TAGLN3: variants seen among roughly 807,000 people sequenced by gnomAD.
The protein encoded by TAGLN3 is transgelin 3.
TAGLN3 carries 12 observed loss-of-function variants against 25.4 expected under a neutral mutation model. The observed-to-expected ratio is 0.47, with a 90% CI of 0.30 to 0.77. The LOEUF (loss-of-function observed/expected upper bound fraction) is 0.77. TAGLN3 is among the 30% of genes least tolerant of loss of function. The probability of loss-of-function intolerance (pLI) is 0.06; values close to 1 mark genes in which losing one functional copy is unlikely to be tolerated. For synonymous variants in TAGLN3, 96 were observed against 94.8 expected (o/e 1.01, Z -0.08); for missense variants, 218 against 255.8 (o/e 0.85, Z 1.01).
chr3:112,009,268 T>G (rs1323655722), intron 3 of TAGLN3, among the ~76,000 whole-genome samples: 3 of 152,196 alleles, frequency 2.0e-5, no homozygotes, highest in African/African-American at 7.2e-5. Flanking sequence ...AGTGAGGCCC[T>G]AACTGCTTTT....
At chr3:112,007,050 C>T (rs772361122) in intron 3 of TAGLN3, among the ~76,000 whole-genome samples, 1 of 152,192 alleles carries the variant, frequency 6.6e-6, no homozygotes, top group Non-Finnish European at 1.5e-5. Flanking sequence ...CCAGGTGAGA[C>T]AGAGAAAGCT....
At chr3:111,999,292 C>A in intron 1 of TAGLN3, 129 bp from the exon 2 acceptor site, 1 of 1,069,856 alleles carries the variant, frequency 9.3e-7, no homozygotes. Flanking sequence ...AAACCACGCC[C>A]GGCTTTCTGC....
At chr3:112,002,294 C>T (rs888756270) in intron 3 of TAGLN3, among the ~76,000 whole-genome samples, 2 of 152,202 alleles carry the variant, frequency 1.3e-5, no homozygotes, top group Non-Finnish European at 2.9e-5. Flanking sequence ...TCAGTCAGTT[C>T]TGCTAACAAT....
At chr3:112,011,105 C>T (rs2107725284) in intron 3 of TAGLN3, among the ~76,000 whole-genome samples, 1 of 152,334 alleles carries the variant, frequency 6.6e-6, no homozygotes, top group Non-Finnish European at 1.5e-5. Context: ...TTGCAGGCCA[C>T]CCCCTCAGTA....
chr3:111,999,447 G>A lies in TAGLN3; in HGVS notation c.25G>A (p.Gly9Ser). The change falls in exon 2 of 5, where the codon GGC becomes AGC. Residue 9 changes from glycine (G) to serine (S), a missense_variant. Gly to Ser is a moderately conservative substitution (Grantham distance 56). Coordinates refer to ENST00000478951, the MANE Select transcript of TAGLN3 (RefSeq NM_001008272.2). MANRGPSY[G>S]LSREVQEKIE... ...GATGGCTAACAGGGGCCCGAGCTAT[G>A]GCTTAAGCCGAGAGGTGCAGGAGAA... The A allele has an allele frequency of 6.2e-7, 1 of 1,614,178 alleles. No individual in the cohort carries two copies. The highest frequency in any genetic ancestry group is 8.5e-7 in the Non-Finnish European group (1 of 1,180,008).
chr3:112,000,933 G>A lies in TAGLN3; in HGVS notation c.342G>A (p.Val114=). Residue 114 remains valine, a synonymous_variant, in exon 3 of 5, where the codon GTG becomes GTA. Coordinates refer to ENST00000478951, the MANE Select transcript of TAGLN3 (RefSeq NM_001008272.2). The stretch of plus-strand genomic sequence containing the variant: ...GAACCACCGACATCTTTCAGACGGT[G>A]GATCTATGGGAAGGTAAACAGCCCC... ...GVRTTDIFQT[V]DLWEGKDMAA... 6.2e-6 allele frequency: 10 copies of A among 1,613,928 alleles called. No homozygotes were observed. The highest frequency in any genetic ancestry group is 8.5e-6 in the Non-Finnish European group (10 of 1,179,970).
intron 3 of TAGLN3, among the ~76,000 whole-genome samples, chr3:112,001,953 T>C (rs1205941064): frequency 1.3e-5 from 2 of 152,248 alleles, no homozygotes; most frequent in Non-Finnish European, 2.9e-5. Context: ...AAGAAACAAT[T>C]GCCTCCTTAA....
chr3:112,001,996 T>C (rs1269917709), intron 3 of TAGLN3, among the ~76,000 whole-genome samples: 1 of 152,242 alleles, frequency 6.6e-6, no homozygotes, highest in Admixed American at 6.5e-5. Context: ...TGGCATTGCA[T>C]GTTTCCCTCA....
Position 112,005,802 on chromosome 3 carries a change from G to C in TAGLN3, c.355+4856G>C, listed in dbSNP as rs542231512. ...GCAAGCTCCGCCTCCCAGGTTCACG[G>C]CATTCTCCTGCCTGAGCCTCCTGAG... On this transcript the variant is annotated intron_variant, in intron 3 of 4. Coordinates refer to ENST00000478951, the MANE Select transcript of TAGLN3 (RefSeq NM_001008272.2). Among the ~76,000 whole-genome samples, 5 of 149,824 alleles carry C rather than the reference G, an allele frequency of 3.3e-5. No homozygotes were observed. The South Asian group carries it at 8.5e-4, about 25-fold the overall frequency.
intron 3 of TAGLN3, among the ~76,000 whole-genome samples, chr3:112,004,225 G>A (rs910457014): frequency 6.6e-6 from 1 of 152,198 alleles, no homozygotes; most frequent in Non-Finnish European, 1.5e-5. Flanking sequence ...TGAATGGCCT[G>A]GCAGATTACT....
At chr3:111,999,747 T>C in intron 2 of TAGLN3, 145 bp downstream of exon 2, 1 of 1,129,972 alleles carries the variant, frequency 8.8e-7, no homozygotes, top group Non-Finnish European at 1.2e-6. Flanking sequence ...CTTTATTTCT[T>C]CAGGGTTGGA....
Position 112,000,901 on chromosome 3 carries a change from G to C in TAGLN3, c.310G>C (p.Gly104Arg). The change falls in exon 3 of 5, where the codon GGT (glycine) becomes CGT (arginine). Residue 104 changes from glycine (G) to arginine (R), a missense_variant. Physicochemically the swap from Gly to Arg is moderately radical, Grantham distance 125. Transcript: ENST00000478951. ...SQFLKAAETY[G>R]VRTTDIFQTV... ...GTTCCTAAAAGCTGCGGAGACCTATGGTGTCAGAACCACCGACATCTTTCA... is the reference window on the plus strand; with the variant it reads ...GTTCCTAAAAGCTGCGGAGACCTATCGTGTCAGAACCACCGACATCTTTCA... 1.2e-6 allele frequency: 2 copies of C among 1,614,154 alleles called. No homozygotes were observed. The highest frequency in any genetic ancestry group is 1.7e-6 in the Non-Finnish European group (2 of 1,180,024).
Position 111,999,528 on chromosome 3 carries a change from C to T in TAGLN3, c.106C>T (p.Leu36=), listed in dbSNP as rs1469137079. ...GAACAAGCTGGTGGACTGGATCATC[C>T]TGCAGTGCGCCGAGGACATAGAGCA... ...LENKLVDWII[L]QCAEDIEHPP... Residue 36 remains leucine, a synonymous_variant, in exon 2 of 5, where the codon CTG becomes TTG. Coordinates refer to ENST00000478951, the MANE Select transcript of TAGLN3 (RefSeq NM_001008272.2). The T allele has an allele frequency of 2.5e-6, 4 of 1,614,108 alleles. No homozygotes were observed. The African/African-American group carries it at 4.0e-5, about 16-fold the overall frequency.
Position 112,013,487 on chromosome 3 carries a change from G to C in TAGLN3, c.536G>C (p.Gly179Ala), listed in dbSNP as rs557542753. The change falls in exon 5 of 5, where the codon GGC (glycine) becomes GCC (alanine). Residue 179 changes from glycine to alanine, a missense_variant. Physicochemically the swap from Gly to Ala is moderately conservative, Grantham distance 60 (BLOSUM62 0). Coordinates refer to ENST00000478951, the MANE Select transcript of TAGLN3 (RefSeq NM_001008272.2). ...CAGAACGTAATAGGCCTGCAGATGG[G>C]CAGCAACAAGGGAGCCTCCCAGGCG... is the stretch of plus-strand genomic sequence containing the variant. ...QGQNVIGLQMGSNKGASQAGM... is the reference protein window; with the variant it reads ...QGQNVIGLQMASNKGASQAGM... 6.2e-7 allele frequency: 1 copy of C among 1,614,218 alleles called. No individual in the cohort carries two copies. Among genetic ancestry groups the C allele is most frequent in the African/African-American group, 1.3e-5 (1 of 75,068 alleles).
intron 3 of TAGLN3, among the ~76,000 whole-genome samples, chr3:112,002,068 G>A (rs2072866504): frequency 6.6e-6 from 1 of 152,180 alleles, no homozygotes; most frequent in Non-Finnish European, 1.5e-5. Flanking sequence ...CCATTATTTA[G>A]AAACTCAGAT....
chr3:112,002,029 C>T (rs62277658), intron 3 of TAGLN3, among the ~76,000 whole-genome samples: 10 of 152,202 alleles, frequency 6.6e-5, no homozygotes, highest in East Asian at 5.8e-4. Flanking sequence ...TAAAATCCTA[C>T]GATGCTAATA....
chr3:112,008,482 T>C (rs971641296), intron 3 of TAGLN3, among the ~76,000 whole-genome samples: 7 of 152,090 alleles, frequency 4.6e-5, no homozygotes, highest in Non-Finnish European at 1.0e-4. Context: ...GCCCAGCCTT[T>C]TGTTGTTTTA....
chr3:112,006,200 G>C (rs1451964773), intron 3 of TAGLN3, among the ~76,000 whole-genome samples: 1 of 152,112 alleles, frequency 6.6e-6, no homozygotes, highest in Non-Finnish European at 1.5e-5. Context: ...GCCTGTTAAA[G>C]CACAGACTGC....
At position 111,999,464 on chromosome 3, in the gene TAGLN3, G is replaced by A; in HGVS notation, c.42G>A (p.Val14=). The part of the protein sequence containing the change: ...RGPSYGLSRE[V]QEKIEQKYDA... Reference sequence around the variant, plus strand: ...CGAGCTATGGCTTAAGCCGAGAGGTGCAGGAGAAGATCGAGCAGAAGTATG... The same window carrying A: ...CGAGCTATGGCTTAAGCCGAGAGGTACAGGAGAAGATCGAGCAGAAGTATG... Residue 14 remains valine (V), a synonymous_variant, in exon 2 of 5, where the codon GTG becomes GTA. Coordinates refer to ENST00000478951, the MANE Select transcript of TAGLN3 (RefSeq NM_001008272.2). 2 of 1,614,250 alleles carry A rather than the reference G, an allele frequency of 1.2e-6. No individual in the cohort carries two copies. Among genetic ancestry groups the A allele is most frequent in the East Asian group, 2.2e-5 (1 of 44,886 alleles).
Sources: gnomAD v4.1 joint callset for allele counts (sites outside exome capture counted in the v4.1 genomes callset) on GRCh38, gnomAD v4.1.1 for gene constraint, MANE v1.5 for transcripts, NCBI Gene and HGNC (gene_info 2026-07-23, HGNC 2026-07-21) for gene names.